The following ST6GALNAC3 variants were observed in gnomAD, a reference collection of about 807,000 sequenced individuals.
ST6GALNAC3 encodes the protein ST6 N-acetylgalactosaminide alpha-2,6-sialyltransferase 3.
In ST6GALNAC3, 25 loss-of-function variants were observed where a neutral mutation model predicts 32.7. That is an observed-to-expected ratio of 0.76 (90% CI 0.56 to 1.07). ST6GALNAC3 has a LOEUF of 1.07. Among genes scored for constraint, ST6GALNAC3 ranks in the 50% least tolerant of loss-of-function variants. ST6GALNAC3 has a pLI of 0.00. For synonymous variants in ST6GALNAC3, 129 were observed against 133.1 expected, an observed-to-expected ratio of 0.97 and a Z score of 0.21; for missense variants, 355 against 382.4, an observed-to-expected ratio of 0.93 and a Z score of 0.60.
chr1:76,293,702 T>C (rs1309141713), intron 1 of ST6GALNAC3, among the ~76,000 whole-genome samples: 1 of 152,226 alleles, frequency 6.6e-6, no homozygotes, highest in Non-Finnish European at 1.5e-5. Flanking sequence ...GTGAGGGTTA[T>C]GTACCACTGT....
intron 2 of ST6GALNAC3, among the ~76,000 whole-genome samples, chr1:76,331,181 C>G (rs574003283): frequency 6.6e-5 from 10 of 152,154 alleles, no homozygotes; most frequent in African/African-American, 1.4e-4. Flanking sequence ...AGTGGTGTCC[C>G]CCTACCACTA....
At chr1:76,109,353 G>A (rs1353738716) in intron 1 of ST6GALNAC3, among the ~76,000 whole-genome samples, 2 of 152,280 alleles carry the variant, frequency 1.3e-5, no homozygotes, top group East Asian at 1.9e-4. Context: ...AAGACTCCCC[G>A]TAAGCTGAGC....
intron 1 of ST6GALNAC3, among the ~76,000 whole-genome samples, chr1:76,084,770 CTCG>C (rs1646943506): frequency 1.4e-5 from 2 of 143,134 alleles, no homozygotes; most frequent in South Asian, 2.2e-4. Flanking sequence ...CCTGCTCCAA[CTCG>C]TTGTCCTAGA....
chr1:76,321,357 C>T (rs1646963501), intron 2 of ST6GALNAC3, among the ~76,000 whole-genome samples: 1 of 152,124 alleles, frequency 6.6e-6, no homozygotes. Flanking sequence ...TGTGAAGACC[C>T]AGACAACACT....
chr1:76,571,717 A>G (rs933399852), intron 3 of ST6GALNAC3, among the ~76,000 whole-genome samples: 2 of 152,062 alleles, frequency 1.3e-5, no homozygotes, highest in South Asian at 4.1e-4. Flanking sequence ...ATATATAAAG[A>G]GTGAGTGAAT....
intron 1 of ST6GALNAC3, among the ~76,000 whole-genome samples, chr1:76,244,079 A>G (rs927534960): frequency 2.0e-5 from 3 of 152,000 alleles, no homozygotes; most frequent in Admixed American, 6.6e-5. Context: ...CTATCCATGA[A>G]CATGGATTTT....
intron 3 of ST6GALNAC3, among the ~76,000 whole-genome samples, chr1:76,515,089 G>A (rs1309834816): frequency 6.6e-6 from 1 of 152,106 alleles, no homozygotes; most frequent in Non-Finnish European, 1.5e-5. Flanking sequence ...ACAAGCATCA[G>A]TATTGTTCTT....
chr1:76,267,591 T>G (rs763414751), intron 1 of ST6GALNAC3, among the ~76,000 whole-genome samples: 2 of 152,182 alleles, frequency 1.3e-5, no homozygotes, highest in Admixed American at 1.3e-4. Context: ...TCTTTATGAT[T>G]CTTAGACTTG....
intron 3 of ST6GALNAC3, among the ~76,000 whole-genome samples, chr1:76,450,556 G>A (rs988419099): frequency 1.3e-5 from 2 of 151,946 alleles, no homozygotes; most frequent in African/African-American, 4.8e-5. Flanking sequence ...GTGCCTTTTA[G>A]TTCAATTAAG....
At chr1:76,229,503 C>T (rs1046440255) in intron 1 of ST6GALNAC3, among the ~76,000 whole-genome samples, 2 of 152,202 alleles carry the variant, frequency 1.3e-5, no homozygotes, top group African/African-American at 4.8e-5. Context: ...TGTGTCTCCG[C>T]CAAAATGCAA....
At chr1:76,497,641 G>A (rs927400172) in intron 3 of ST6GALNAC3, among the ~76,000 whole-genome samples, 1 of 152,166 alleles carries the variant, frequency 6.6e-6, no homozygotes, top group African/African-American at 2.4e-5. Context: ...TTAGGAGTGA[G>A]CCTGACATAT....
chr1:76,265,597 A>C (rs935857249), intron 1 of ST6GALNAC3, among the ~76,000 whole-genome samples: 1 of 152,158 alleles, frequency 6.6e-6, no homozygotes, highest in African/African-American at 2.4e-5. Context: ...TTTTTAAAAG[A>C]CTGAAAATGA....
intron 1 of ST6GALNAC3, among the ~76,000 whole-genome samples, chr1:76,266,173 C>T (rs1658516369): frequency 6.6e-6 from 1 of 152,186 alleles, no homozygotes; most frequent in South Asian, 2.1e-4. Context: ...TGGGCACCTT[C>T]TCTTTGGCAA....
chr1:76,086,653 A>T (rs1000482527), intron 1 of ST6GALNAC3, among the ~76,000 whole-genome samples: 3 of 152,186 alleles, frequency 2.0e-5, no homozygotes, highest in African/African-American at 7.2e-5. Context: ...CTATCAACCC[A>T]AGAGAAGGGA....
At chr1:76,310,008 G>A (rs774886270) in intron 1 of ST6GALNAC3, 2 of 496,520 alleles carry the variant, frequency 4.0e-6, no homozygotes, top group Admixed American at 2.1e-5. Flanking sequence ...ACACAACAGT[G>A]GATTCAGAAA....
intron 3 of ST6GALNAC3, among the ~76,000 whole-genome samples, chr1:76,525,149 A>C (rs1662787360): frequency 6.6e-6 from 1 of 152,110 alleles, no homozygotes; most frequent in Non-Finnish European, 1.5e-5. Context: ...AGGTCTATTC[A>C]AATTTCAGGA....
chr1:76,372,020 G>T (rs1380141454), intron 2 of ST6GALNAC3, among the ~76,000 whole-genome samples: 1 of 152,136 alleles, frequency 6.6e-6, no homozygotes, highest in Admixed American at 6.6e-5. Context: ...CATTTAACTT[G>T]CAGCCCTAGA....
intron 2 of ST6GALNAC3, among the ~76,000 whole-genome samples, chr1:76,351,739 A>G (rs1021240535): frequency 3.3e-5 from 5 of 152,184 alleles, no homozygotes; most frequent in African/African-American, 1.2e-4. Flanking sequence ...CTTCTATCCC[A>G]ACGTAATTAT....
chr1:76,621,941 C>T (rs987877132), intron 3 of ST6GALNAC3, among the ~76,000 whole-genome samples: 3 of 151,964 alleles, frequency 2.0e-5, no homozygotes, highest in African/African-American at 7.2e-5. Flanking sequence ...TTGATTAATT[C>T]TTCTTTTAAA....
Sources: gnomAD v4.1 joint callset for allele counts (sites outside exome capture counted in the v4.1 genomes callset) on GRCh38, gnomAD v4.1.1 for gene constraint, MANE v1.5 for transcripts, NCBI Gene and HGNC (gene_info 2026-07-23, HGNC 2026-07-21) for gene names.